The following C1QTNF3 variants were observed in gnomAD, a reference collection of about 807,000 sequenced individuals.
C1QTNF3 encodes C1q and TNF related 3.
Under a neutral mutation model 32.6 loss-of-function variants are expected in C1QTNF3, and 26 were observed. The ratio of observed to expected loss-of-function variants is 0.80; its 90% CI spans 0.58 to 1.11. The LOEUF is 1.11. C1QTNF3 is among the 50% of genes least tolerant of loss of function. The probability of loss-of-function intolerance (pLI) is 0.00; values close to 1 mark genes in which losing one functional copy is unlikely to be tolerated. For missense variants in C1QTNF3, 362 were observed against 398.2 expected (o/e 0.91, Z 0.77); for synonymous variants, 155 against 146.0 (o/e 1.06, Z -0.44).
the C1QTNF3 span, among the ~76,000 whole-genome samples, chr5:34,145,090 C>T: frequency 6.6e-6 from 1 of 152,092 alleles, no homozygotes; most frequent in African/African-American, 2.4e-5. Context: ...GACTGTGCCA[C>T]TGCACTCCAG....
chr5:34,101,720 G>A, the C1QTNF3 span, among the ~76,000 whole-genome samples: 1 of 152,104 alleles, frequency 6.6e-6, no homozygotes, highest in Admixed American at 6.6e-5. Flanking sequence ...GGCCTCATAT[G>A]GTCCCTGTAA....
the C1QTNF3 span, among the ~76,000 whole-genome samples, chr5:34,127,588 CT>C: frequency 7.7e-4 from 109 of 141,206 alleles, no homozygotes; most frequent in African/African-American, 1.7e-3. Context: ...TTTTCTTTTC[CT>C]TTTTTTTTTT....
chr5:34,035,734 G>T lies in C1QTNF3; in HGVS notation c.328C>A (p.Pro110Thr). 6.2e-7 allele frequency: 1 copy of T among 1,613,148 alleles called. No homozygotes were observed. The highest frequency in any genetic ancestry group is 2.2e-5 in the East Asian group (1 of 44,842). ...CCATGACAACACTTACTGCAGTCTG[G>T]GGGTAGTCCTCCGGTTTGTGGAGAC... ...GQSPQTGGLPPDCSKCCHGDY... is the reference protein window; with the variant it reads ...GQSPQTGGLPTDCSKCCHGDY... Residue 110 changes from proline (P) to threonine (T), a missense_variant, in exon 2 of 6, where the codon CCA (proline) becomes ACA (threonine). Physicochemically the swap from Pro to Thr is conservative, Grantham distance 38. Coordinates refer to ENST00000382065, the MANE Select transcript of C1QTNF3 (RefSeq NM_181435.6).
At chr5:34,156,531 T>A in the C1QTNF3 span, among the ~76,000 whole-genome samples, 1 of 152,200 alleles carries the variant, frequency 6.6e-6, no homozygotes, top group East Asian at 1.9e-4. Context: ...CTAATTACTC[T>A]CCCAATATGT....
the C1QTNF3 span, among the ~76,000 whole-genome samples, chr5:34,081,183 G>A: frequency 6.6e-6 from 1 of 151,604 alleles, no homozygotes; most frequent in Non-Finnish European, 1.5e-5. Context: ...TAGGCGCAGT[G>A]CCTAAAACAG....
At chr5:34,042,741 C>T in intron 1 of C1QTNF3, 82 bp downstream of exon 1, 1 of 1,368,150 alleles carries the variant, frequency 7.3e-7, no homozygotes, top group South Asian at 1.4e-5. Context: ...AGAATCTTAG[C>T]CAAAAAAAGA....
the C1QTNF3 span, among the ~76,000 whole-genome samples, chr5:34,086,009 G>A: frequency 1.3e-5 from 2 of 148,598 alleles, no homozygotes; most frequent in African/African-American, 5.1e-5. Context: ...TTGCAGCACT[G>A]TTCACAGTAG....
the C1QTNF3 span, among the ~76,000 whole-genome samples, chr5:34,197,360 G>T: frequency 1.5e-5 from 2 of 129,632 alleles, no homozygotes; most frequent in Non-Finnish European, 3.4e-5. Context: ...CGATACAAGG[G>T]TAATATTAAC....
In C1QTNF3 at chr5:34,042,723, T is replaced by G. The variant is rs1320928060; in HGVS notation, c.303+100A>C. 3 of 1,221,860 alleles carry G rather than the reference T, an allele frequency of 2.5e-6. No individual in the cohort carries two copies. The Admixed American group carries it at 6.8e-5, about 28-fold the overall frequency. 75.7% of individuals were successfully genotyped at this position (1,221,860 alleles called of 1,614,324 possible). A position where few individuals can be genotyped will look rare whatever the true frequency, so the allele number is the denominator to read the frequency against. The stretch of plus-strand genomic sequence containing the variant: ...TAGCGAACTTCTCGAAAGCATTCAT[T>G]GATTCTAAGAATCTTAGCCAAAAAA... On this transcript the variant is annotated intron_variant, in intron 1 of 5. Transcript: ENST00000382065.
the C1QTNF3 span, among the ~76,000 whole-genome samples, chr5:34,154,032 TAA>T: frequency 0.015 from 1,574 of 103,148 alleles, 28 homozygotes; most frequent in African/African-American, 0.039. Context: ...ACCTGCAAAA[TAA>T]AAAAAAAAAA....
At chr5:34,036,937 A>G (rs767426892) in intron 1 of C1QTNF3, among the ~76,000 whole-genome samples, 5 of 152,126 alleles carry the variant, frequency 3.3e-5, no homozygotes, top group Non-Finnish European at 5.9e-5. Context: ...GGGCGACAAG[A>G]GCAAGACACA....
the C1QTNF3 span, among the ~76,000 whole-genome samples, chr5:34,163,456 T>C: frequency 6.9e-6 from 1 of 145,236 alleles, no homozygotes. Flanking sequence ...AATATTTTAC[T>C]ATAAAATGTA....
rs570897442 is a variant in C1QTNF3, at chr5:34,040,329, G to A, written c.303+2494C>T. Among the ~76,000 whole-genome samples the A allele has an allele frequency of 3.3e-5, 5 of 152,206 alleles. No individual in the cohort carries two copies. The East Asian group carries it at 7.7e-4, about 24-fold the overall frequency. On this transcript the variant is annotated intron_variant, in intron 1 of 5. Transcript: ENST00000382065. ...GGCCTAGGGGTAGGGATGCAGAACT[G>A]AGCTCTACTACTAGTAAGTGACTTC...
chr5:34,092,929 C>T, the C1QTNF3 span, among the ~76,000 whole-genome samples: 45 of 151,894 alleles, frequency 3.0e-4, no homozygotes, highest in African/African-American at 7.3e-4. Flanking sequence ...TAGAGAAAAA[C>T]GATGTAGACT....
At chr5:34,085,197 G>A in the C1QTNF3 span, among the ~76,000 whole-genome samples, 1 of 149,194 alleles carries the variant, frequency 6.7e-6, no homozygotes, top group South Asian at 2.1e-4. Context: ...GGGTTTCACC[G>A]TGTTGGCCAG....
the C1QTNF3 span, among the ~76,000 whole-genome samples, chr5:34,226,305 C>T: frequency 6.6e-6 from 1 of 151,704 alleles, no homozygotes; most frequent in Non-Finnish European, 1.5e-5. Flanking sequence ...CTTTTATCGG[C>T]CAAACTTGTG....
the C1QTNF3 span, among the ~76,000 whole-genome samples, chr5:34,230,782 A>C: frequency 6.9e-6 from 1 of 144,406 alleles, no homozygotes; most frequent in East Asian, 2.0e-4. Flanking sequence ...TATAAAACTA[A>C]CCATATTTTT....
the C1QTNF3 span, among the ~76,000 whole-genome samples, chr5:34,129,558 G>A: frequency 6.6e-6 from 1 of 152,012 alleles, no homozygotes; most frequent in Non-Finnish European, 1.5e-5. Flanking sequence ...ATATATTAAA[G>A]CATAACTCTA....
At chr5:34,210,523 T>G in the C1QTNF3 span, among the ~76,000 whole-genome samples, 28 of 151,898 alleles carry the variant, frequency 1.8e-4, no homozygotes, top group African/African-American at 6.0e-4. Context: ...TTTTTTTTTT[T>G]GCTTTGGCTT....
Sources: allele counts gnomAD v4.1 joint callset (sites outside exome capture counted in the v4.1 genomes callset), GRCh38; gene constraint gnomAD v4.1.1; transcripts MANE v1.5; gene names NCBI Gene and HGNC (gene_info 2026-07-23, HGNC 2026-07-21).